Variants in ZDHHC7 observed in about 807,000 individuals in gnomAD.
ZDHHC7 encodes zDHHC palmitoyltransferase 7.
In ZDHHC7, 12 loss-of-function variants were observed where a neutral mutation model predicts 34.1. The ratio of observed to expected loss-of-function variants is 0.35; its 90% CI spans 0.23 to 0.57. The LOEUF is 0.57. ZDHHC7 is among the 20% of genes least tolerant of loss of function. The pLI is 0.84. For missense variants in ZDHHC7, 388 were observed against 402.7 expected (o/e 0.96, Z 0.31); for synonymous variants, 185 against 155.4 (o/e 1.19, Z -1.42).
chr16:85,018,248 C>T, the ZDHHC7 span, among the ~76,000 whole-genome samples: 2 of 152,020 alleles, frequency 1.3e-5, no homozygotes, highest in African/African-American at 2.4e-5. Flanking sequence ...AGCAGGAAGA[C>T]ACAAAAGAGT....
At chr16:85,006,054 A>C (rs2072712902) in intron 1 of ZDHHC7, among the ~76,000 whole-genome samples, 1 of 152,346 alleles carries the variant, frequency 6.6e-6, no homozygotes, top group East Asian at 1.9e-4. Flanking sequence ...ACATGGCTGC[A>C]GGAATCACCG....
chr16:85,005,362 C>G (rs9921505), intron 1 of ZDHHC7, among the ~76,000 whole-genome samples: 3,457 of 152,216 alleles, frequency 0.023, 135 homozygotes, highest in African/African-American at 0.078. Context: ...AAGTTAATGA[C>G]AACATAAAAC....
In ZDHHC7 at chr16:84,978,184, C is replaced by T. The variant is rs2072322880; in HGVS notation, c.538-179G>A. 8.1e-6 allele frequency: 4 copies of T among 490,868 alleles called. No individual in the cohort carries two copies. In the East Asian group the frequency reaches 1.4e-4, roughly 18 times the overall value. 30.4% of individuals were successfully genotyped at this position (490,868 alleles called of 1,614,324 possible). On this transcript the variant is annotated intron_variant, in intron 5 of 7. Coordinates refer to ENST00000313732, the MANE Select transcript of ZDHHC7 (RefSeq NM_017740.3). ...TCTCAAGTAGCTGAGACTACAAGCA[C>T]CATGCCCGGCTAACTGTTTTGCATT...
Position 84,990,351 on chromosome 16 carries a change from C to T in ZDHHC7, c.268G>A (p.Ala90Thr), listed in dbSNP as rs2072492716. The change falls in exon 3 of 8, where the codon GCC becomes ACC. Residue 90 changes from alanine (A) to threonine (T), a missense_variant. Ala to Thr is a moderately conservative substitution (Grantham distance 58, BLOSUM62 0). Coordinates refer to ENST00000313732, the MANE Select transcript of ZDHHC7 (RefSeq NM_017740.3). The stretch of plus-strand genomic sequence containing the variant: ...AGGTGGGATGACAGGGCAAGCACGG[C>T]CAAGCAGTTAAAGATGACCCCGTTG... ...VVNGVIFNCL[A>T]VLALSSHLRT... 1 of 1,614,080 alleles carries T rather than the reference C, an allele frequency of 6.2e-7. No homozygotes were observed. The highest frequency in any genetic ancestry group is 1.1e-5 in the South Asian group (1 of 91,080).
At chr16:84,996,758 G>C (rs1055987789) in intron 1 of ZDHHC7, among the ~76,000 whole-genome samples, 1 of 152,190 alleles carries the variant, frequency 6.6e-6, no homozygotes, top group Non-Finnish European at 1.5e-5. Context: ...GCCAGGCGCG[G>C]TGGCTCACGC....
intron 3 of ZDHHC7, among the ~76,000 whole-genome samples, chr16:84,983,582 G>C (rs2143586257): frequency 6.6e-6 from 1 of 152,312 alleles, no homozygotes; most frequent in African/African-American, 2.4e-5. Flanking sequence ...GGCCCCGTCA[G>C]TCCCATGGCC....
chr16:85,007,953 T>C (rs969792790), intron 1 of ZDHHC7, among the ~76,000 whole-genome samples: 3 of 151,868 alleles, frequency 2.0e-5, no homozygotes, highest in Non-Finnish European at 4.4e-5. Context: ...TGAGACCCTA[T>C]CTCTACAAAA....
At chr16:85,026,846 C>T in the ZDHHC7 span, among the ~76,000 whole-genome samples, 10 of 152,066 alleles carry the variant, frequency 6.6e-5, no homozygotes, top group African/African-American at 2.4e-4. Context: ...GTACAAATAT[C>T]TTCAGAAAAT....
upstream of ZDHHC7, among the ~76,000 whole-genome samples, chr16:85,012,687 C>G (rs2072810002): frequency 6.6e-6 from 1 of 151,978 alleles, no homozygotes; most frequent in Non-Finnish European, 1.5e-5. Context: ...GGCAGATCAC[C>G]TGAGGTCAGG....
At chr16:85,010,893 G>A (rs1378648132) in intron 1 of ZDHHC7, among the ~76,000 whole-genome samples, 5 of 152,254 alleles carry the variant, frequency 3.3e-5, no homozygotes, top group Non-Finnish European at 7.3e-5. Context: ...ACAACGCGAA[G>A]TGCGAGACTG....
chr16:85,021,128 AG>A, the ZDHHC7 span, among the ~76,000 whole-genome samples: 1,052 of 150,352 alleles, frequency 7.0e-3, 1 homozygote, highest in Non-Finnish European at 0.011. Flanking sequence ...AAATTAAAAA[AG>A]GGGGGGGTGC....
intron 4 of ZDHHC7, among the ~76,000 whole-genome samples, chr16:84,980,467 C>T (rs1171803026): frequency 2.6e-5 from 4 of 151,854 alleles, no homozygotes; most frequent in African/African-American, 7.3e-5. Flanking sequence ...GTCAGGAGTT[C>T]GAGACCAGCC....
the ZDHHC7 span, among the ~76,000 whole-genome samples, chr16:85,020,291 A>T: frequency 1.1e-4 from 16 of 152,166 alleles, no homozygotes; most frequent in Non-Finnish European, 2.1e-4. Flanking sequence ...TCCTGGTTTT[A>T]AACTCATATT....
At chr16:84,993,786 G>A (rs1334704279) in intron 2 of ZDHHC7, among the ~76,000 whole-genome samples, 2 of 152,156 alleles carry the variant, frequency 1.3e-5, no homozygotes, top group African/African-American at 4.8e-5. Context: ...TTCTGCATCT[G>A]TCTGCTCAAC....
intron 3 of ZDHHC7, among the ~76,000 whole-genome samples, chr16:84,988,514 C>T (rs1036539105): frequency 1.3e-5 from 2 of 152,184 alleles, no homozygotes; most frequent in Non-Finnish European, 2.9e-5. Context: ...GAAATCTGCC[C>T]ACCAGGGCGG....
upstream of ZDHHC7, among the ~76,000 whole-genome samples, chr16:85,012,773 T>G (rs989651104): frequency 3.9e-5 from 6 of 151,928 alleles, no homozygotes; most frequent in East Asian, 1.9e-4. Flanking sequence ...GGTGCAGTTT[T>G]GGGCGCCTGT....
the ZDHHC7 span, among the ~76,000 whole-genome samples, chr16:85,026,830 G>A: frequency 1.3e-5 from 2 of 151,968 alleles, no homozygotes. Context: ...GCACTGGAAT[G>A]TAGTTGTACA....
At chr16:84,985,952 C>CAAAAAAAAAA (rs58315276) in intron 3 of ZDHHC7, among the ~76,000 whole-genome samples, 2 of 54,028 alleles carry the variant, frequency 3.7e-5, no homozygotes, top group Non-Finnish European at 3.5e-5. Context: ...GAGACTGTCT[C>CAAAAAAAAAA]AAAAAAAAAA....
rs751118205 is a variant in ZDHHC7 at position 84,974,478 on chromosome 16, A to ATTACT, written c.*1860_*1864dup. 2 of 152,320 alleles carry ATTACT rather than the reference A, an allele frequency of 1.3e-5. No homozygotes were observed. The highest frequency in any genetic ancestry group is 4.8e-5 in the African/African-American group (2 of 41,460). The allele number at this position is 152,320 out of a possible 1,614,324, so 9.4% of individuals were successfully genotyped here. A position where few individuals can be genotyped will look rare whatever the true frequency, so the allele number is the denominator to read the frequency against. On this transcript the variant is annotated 3_prime_UTR_variant, in exon 8 of 8. Transcript: ENST00000313732. The stretch of plus-strand genomic sequence containing the variant: ...GAAGCCATTTGAGAACTGTTAATTG[A>ATTACT]TTACTTTATTTCATATAAAAGTTAC...
Sources: gnomAD v4.1 joint callset for allele counts (sites outside exome capture counted in the v4.1 genomes callset) on GRCh38, gnomAD v4.1.1 for gene constraint, MANE v1.5 for transcripts, NCBI Gene and HGNC (gene_info 2026-07-23, HGNC 2026-07-21) for gene names.